Variants in PCDH10 observed in about 807,000 individuals in gnomAD.
The protein encoded by PCDH10 is protocadherin 10.
Under a neutral mutation model 74.4 loss-of-function variants are expected in PCDH10, and 15 were observed. The ratio of observed to expected loss-of-function variants is 0.20; its 90% CI spans 0.13 to 0.31. PCDH10 has a LOEUF of 0.31. PCDH10 is among the 10% of genes least tolerant of loss of function. The probability of loss-of-function intolerance (pLI) is 1.00; values close to 1 mark genes in which losing one functional copy is unlikely to be tolerated. For synonymous variants in PCDH10, 619 were observed against 589.8 expected (o/e 1.05, Z -0.72); for missense variants, 1,260 against 1,390.2 (o/e 0.91, Z 1.49).
At chr4:133,176,228 A>G (rs1307658970) in intron 4 of PCDH10, among the ~76,000 whole-genome samples, 1 of 152,082 alleles carries the variant, frequency 6.6e-6, no homozygotes, top group Non-Finnish European at 1.5e-5. Flanking sequence ...CAGAGAAGCA[A>G]TGTGGTGAAG....
At chr4:133,155,215 A>G (rs1479747593) in intron 3 of PCDH10, among the ~76,000 whole-genome samples, 192 bp downstream of exon 3, 1 of 152,216 alleles carries the variant, frequency 6.6e-6, no homozygotes, top group Non-Finnish European at 1.5e-5. Flanking sequence ...GTTCCTTTGG[A>G]GAGTTAATGT....
At position 133,163,132 on chromosome 4, in the gene PCDH10, G is replaced by A. The variant is rs1401558082; in HGVS notation, c.2953G>A (p.Glu985Lys). 1.2e-6 allele frequency: 2 copies of A among 1,614,152 alleles called. No homozygotes were observed. Among genetic ancestry groups the A allele is most frequent in the Admixed American group, 3.3e-5 (2 of 60,014 alleles). ...TGGCATGGACTCTGTTCCAGACACTGAGGTGTTTGAAACTCCAGAAGCCCA... is the reference window on the plus strand; with the variant it reads ...TGGCATGGACTCTGTTCCAGACACTAAGGTGTTTGAAACTCCAGAAGCCCA... ...VPGMDSVPDTEVFETPEAQPG... is the reference protein window; with the variant it reads ...VPGMDSVPDTKVFETPEAQPG... Residue 985 changes from glutamate to lysine, a missense_variant, in exon 4 of 5, where the codon GAG becomes AAG. This residue lies in a region of PCDH10 where 136 missense variants were observed against 149.3 expected (regional missense o/e 0.91). Transcript: ENST00000264360.
chr4:133,200,138 G>C (rs773703750), intron 2 of PCDH10, among the ~76,000 whole-genome samples: 1 of 151,778 alleles, frequency 6.6e-6, no homozygotes, highest in Non-Finnish European at 1.5e-5. Context: ...TATTCATGCT[G>C]TATTCTGCTT....
chr4:133,152,402 C>A lies in PCDH10; in HGVS notation c.2262C>A (p.Ser754Arg), dbSNP rs1451099614. 1 of 1,614,188 alleles carries A rather than the reference C, an allele frequency of 6.2e-7. No individual in the cohort carries two copies. The highest frequency in any genetic ancestry group is 2.2e-5 in the East Asian group (1 of 44,880). The change falls in exon 1 of 5, where the codon AGC (serine) becomes AGA (arginine). Residue 754 changes from serine (S) to arginine (R), a missense_variant. Transcript: ENST00000264360. Reference protein sequence around the residue: ...KKLNIYTCLASDCCLCCCCCG... With the variant: ...KKLNIYTCLARDCCLCCCCCG... Reference sequence around the variant, plus strand: ...TCAACATCTATACTTGTCTGGCCAGCGATTGCTGCCTCTGCTGCTGCTGCT... The same window carrying A: ...TCAACATCTATACTTGTCTGGCCAGAGATTGCTGCCTCTGCTGCTGCTGCT...
intron 4 of PCDH10, among the ~76,000 whole-genome samples, chr4:133,178,511 C>T (rs868734623): frequency 6.6e-6 from 1 of 151,680 alleles, no homozygotes; most frequent in Non-Finnish European, 1.5e-5. Flanking sequence ...GCTGGGATTA[C>T]AGGCATGAGC....
intron 4 of PCDH10, among the ~76,000 whole-genome samples, chr4:133,164,287 C>T (rs954987288): frequency 6.6e-6 from 1 of 152,020 alleles, no homozygotes; most frequent in African/African-American, 2.4e-5. Flanking sequence ...CAAATCCACA[C>T]ATGCTAGTGA....
At position 133,166,674 on chromosome 4, in the gene PCDH10, A is replaced by G. The variant is rs553250626; in HGVS notation, c.3103+3392A>G. 2.9e-3 allele frequency among the ~76,000 whole-genome samples: 433 copies of G among 151,640 alleles called. 4 individuals are homozygous for G. The Middle Eastern group carries it at 0.041, about 14-fold the overall frequency. On this transcript the variant is annotated intron_variant, in intron 4 of 4. Coordinates refer to ENST00000264360, the MANE Select transcript of PCDH10 (RefSeq NM_032961.3). ...ATGATTTTGGCTTTATACTTTGAAC[A>G]CCATCTCTTAAGATTTTTGTCAGTA...
chr4:133,178,425 G>A (rs534430368), intron 4 of PCDH10, among the ~76,000 whole-genome samples: 6 of 151,854 alleles, frequency 4.0e-5, no homozygotes, highest in African/African-American at 7.2e-5. Context: ...TAGTAGAGAC[G>A]GGGTTTCTCC....
exon 3 of PCDH10, chr4:133,208,459 T>A (rs1056811199): frequency 6.6e-6 from 1 of 152,212 alleles, no homozygotes; most frequent in African/African-American, 2.4e-5. Flanking sequence ...ATGTATAATG[T>A]ACACACCCTG....
chr4:133,184,618 A>T (rs1389248671), intron 4 of PCDH10, among the ~76,000 whole-genome samples: 1 of 150,068 alleles, frequency 6.7e-6, no homozygotes, highest in African/African-American at 2.4e-5. Context: ...CTCAAAAATA[A>T]ATAAATAAAC....
intron 4 of PCDH10, among the ~76,000 whole-genome samples, chr4:133,181,142 C>G (rs1727405633): frequency 6.6e-6 from 1 of 151,494 alleles, no homozygotes; most frequent in Non-Finnish European, 1.5e-5. Flanking sequence ...TATGCTATAT[C>G]CATCTCATAA....
rs1006623989 is a variant in PCDH10, at chr4:133,193,253, A to G, written c.*3093A>G. ...ATCACATCAGAATTACTTCACAGAT[A>G]TAATAGCGTCAATGATATATGTATC... On this transcript the variant is annotated 3_prime_UTR_variant, in exon 5 of 5. Transcript: ENST00000264360. 6.6e-6 allele frequency: 1 copy of G among 151,750 alleles called. No individual in the cohort carries two copies. The highest frequency in any genetic ancestry group is 1.5e-5 in the Non-Finnish European group (1 of 67,688). 9.4% of individuals were successfully genotyped at this position (151,750 alleles called of 1,614,324 possible). A position where few individuals can be genotyped will look rare whatever the true frequency, so the allele number is the denominator to read the frequency against.
chr4:133,149,969 A>G lies in PCDH10; in HGVS notation c.-172A>G. ...AAAAAAATGAGGCTGGATTGCGGGA[A>G]GCTCTAAAATGAAGCAAAAGGAGTA... On this transcript the variant is annotated 5_prime_UTR_variant, in exon 1 of 5. Transcript: ENST00000264360. 1.1e-6 allele frequency: 1 copy of G among 873,818 alleles called. No homozygotes were observed. Among genetic ancestry groups the G allele is most frequent in the Non-Finnish European group, 1.6e-6 (1 of 630,748 alleles). The allele number at this position is 873,818 out of a possible 1,614,324, so 54.1% of individuals were successfully genotyped here.
intron 4 of PCDH10, among the ~76,000 whole-genome samples, chr4:133,177,432 C>A (rs75758204): frequency 0.021 from 3,255 of 152,160 alleles, 132 homozygotes; most frequent in East Asian, 0.17. Flanking sequence ...ATAGTTTATT[C>A]AATGGGCTCT....
At chr4:133,206,835 G>A (rs1728016145) in intron 2 of PCDH10, among the ~76,000 whole-genome samples, 1 of 152,040 alleles carries the variant, frequency 6.6e-6, no homozygotes, top group African/African-American at 2.4e-5. Context: ...AATGTCATGA[G>A]GAAATTTGAT....
intron 4 of PCDH10, among the ~76,000 whole-genome samples, chr4:133,170,668 C>G (rs1171063416): frequency 1.4e-5 from 2 of 146,700 alleles, no homozygotes; most frequent in Middle Eastern, 3.5e-3. Context: ...ATACATGATT[C>G]AATTCATTTT....
chr4:133,153,766 G>C (rs1726798984), intron 1 of PCDH10: 1 of 152,292 alleles, frequency 6.6e-6, no homozygotes, highest in African/African-American at 2.4e-5. Context: ...TCCTTTCCTG[G>C]CAGGTTATTT....
chr4:133,182,372 CTG>C (rs1274048751), intron 4 of PCDH10, among the ~76,000 whole-genome samples: 1 of 151,900 alleles, frequency 6.6e-6, no homozygotes, highest in Non-Finnish European at 1.5e-5. Flanking sequence ...AAAAAAGGAA[CTG>C]TGTATTTTTT....
chr4:133,172,064 G>T (rs1321404831), intron 4 of PCDH10, among the ~76,000 whole-genome samples: 1 of 151,922 alleles, frequency 6.6e-6, no homozygotes, highest in East Asian at 1.9e-4. Context: ...TACAACAGTA[G>T]AGAGAATAGT....
Sources: gnomAD v4.1 joint callset for allele counts (sites outside exome capture counted in the v4.1 genomes callset) on GRCh38, gnomAD v4.1.1 for gene constraint, gnomAD v4.1.1 regional missense constraint, MANE v1.5 for transcripts, NCBI Gene and HGNC (gene_info 2026-07-23, HGNC 2026-07-21) for gene names.